The following ADARB2 variants were observed in gnomAD, a reference collection of about 807,000 sequenced individuals.
The protein encoded by ADARB2 is inactive double-stranded RNA-specific editase B2.
In ADARB2, 25 loss-of-function variants were observed where a neutral mutation model predicts 62.2. The ratio of observed to expected loss-of-function variants is 0.40; its 90% CI spans 0.29 to 0.56. The LOEUF (loss-of-function observed/expected upper bound fraction) is 0.56. Ranked by LOEUF, ADARB2 falls within the 20% of genes least tolerant of loss-of-function variation. ADARB2 has a pLI of 0.43. For missense variants in ADARB2, 1,071 were observed against 1,077.4 expected, an observed-to-expected ratio of 0.99 and a Z score of 0.08; for synonymous variants, 572 against 500.8, an observed-to-expected ratio of 1.14 and a Z score of -1.90.
At chr10:1,513,121 T>G (rs1272284929) in intron 1 of ADARB2, among the ~76,000 whole-genome samples, 1 of 152,220 alleles carries the variant, frequency 6.6e-6, no homozygotes, top group African/African-American at 2.4e-5. Flanking sequence ...GGCATGTTGA[T>G]TTGTTTGACT....
intron 1 of ADARB2, among the ~76,000 whole-genome samples, chr10:1,540,354 G>A (rs61831930): frequency 0.07 from 10,658 of 152,102 alleles, 475 homozygotes; most frequent in Non-Finnish European, 0.1. Context: ...AACAGCCCCC[G>A]CCCTCCTGGT....
intron 1 of ADARB2, among the ~76,000 whole-genome samples, chr10:1,415,670 A>G (rs1832795783): frequency 6.6e-6 from 1 of 152,270 alleles, no homozygotes; most frequent in South Asian, 2.1e-4. Flanking sequence ...GAAAACTGCC[A>G]TAATGAAGCA....
intron 1 of ADARB2, among the ~76,000 whole-genome samples, chr10:1,679,074 G>T (rs920412707): frequency 3.3e-5 from 5 of 152,196 alleles, no homozygotes; most frequent in African/African-American, 9.7e-5. Context: ...AGAAGTGCAG[G>T]CCCTGGGCCC....
intron 4 of ADARB2, among the ~76,000 whole-genome samples, chr10:1,264,132 G>A (rs188969804): frequency 1.3e-5 from 2 of 152,022 alleles, no homozygotes; most frequent in Admixed American, 1.3e-4. Context: ...ACATTTCTCG[G>A]TATCCACTTA....
chr10:1,695,724 G>A (rs1291754097), intron 1 of ADARB2, among the ~76,000 whole-genome samples: 2 of 152,182 alleles, frequency 1.3e-5, no homozygotes, highest in African/African-American at 4.8e-5. Context: ...ACATGTATGT[G>A]AGACCATGCA....
At chr10:1,377,163 G>GGT (rs1275020398) in intron 2 of ADARB2, among the ~76,000 whole-genome samples, 1 of 139,754 alleles carries the variant, frequency 7.2e-6, no homozygotes, top group East Asian at 2.2e-4. Context: ...GTGCTCCTGG[G>GGT]GTGTGTGTGT....
intron 1 of ADARB2, among the ~76,000 whole-genome samples, chr10:1,428,690 G>A (rs567761898): frequency 7.2e-5 from 11 of 151,896 alleles, no homozygotes; most frequent in African/African-American, 2.7e-4. Flanking sequence ...GGATGGGAGG[G>A]AGGGGGGTGT....
At chr10:1,254,909 C>T (rs554104852) in intron 4 of ADARB2, among the ~76,000 whole-genome samples, 1 of 152,220 alleles carries the variant, frequency 6.6e-6, no homozygotes, top group Admixed American at 6.5e-5. Flanking sequence ...GAATGGTGGG[C>T]AACTGATTAG....
At chr10:1,589,393 G>T (rs1833220082) in intron 1 of ADARB2, among the ~76,000 whole-genome samples, 1 of 151,850 alleles carries the variant, frequency 6.6e-6, no homozygotes, top group South Asian at 2.1e-4. Flanking sequence ...CATGGTCAAG[G>T]CATCCACGGA....
intron 1 of ADARB2, among the ~76,000 whole-genome samples, chr10:1,724,207 G>A (rs1835134792): frequency 6.6e-6 from 1 of 152,198 alleles, no homozygotes; most frequent in South Asian, 2.1e-4. Context: ...ATGTGCCTGT[G>A]TGTCCTCAGG....
chr10:1,421,440 A>G (rs1832852306), intron 1 of ADARB2, among the ~76,000 whole-genome samples: 4 of 152,046 alleles, frequency 2.6e-5, no homozygotes, highest in Admixed American at 2.0e-4. Context: ...TCCTAAAAGC[A>G]GTGGGAGGTT....
At chr10:1,525,884 T>C (rs973930538) in intron 1 of ADARB2, among the ~76,000 whole-genome samples, 2 of 152,176 alleles carry the variant, frequency 1.3e-5, no homozygotes. Context: ...TATGTGCGTG[T>C]ATGTGCATGT....
At chr10:1,427,646 C>A (rs893226095) in intron 1 of ADARB2, among the ~76,000 whole-genome samples, 2 of 152,170 alleles carry the variant, frequency 1.3e-5, no homozygotes, top group African/African-American at 4.8e-5. Context: ...ATGTTACAGC[C>A]ACTCTGGAAA....
chr10:1,367,885 T>C (rs531101401), intron 2 of ADARB2, among the ~76,000 whole-genome samples: 11 of 152,360 alleles, frequency 7.2e-5, no homozygotes, highest in African/African-American at 2.6e-4. Context: ...ACTCTCAGAA[T>C]TAAAGTTTTC....
At chr10:1,678,222 A>C (rs1834491351) in intron 1 of ADARB2, 1 of 983,714 alleles carries the variant, frequency 1.0e-6, no homozygotes, top group Non-Finnish European at 1.2e-6. Flanking sequence ...CCTCAGGGTG[A>C]GCGACCTCAG....
In ADARB2 at chr10:1,737,390, G is replaced by A. The variant is rs543037099; in HGVS notation, c.-240C>T. The A allele has an allele frequency of 3.0e-4, 151 of 499,270 alleles. 1 individual carries two copies. The highest frequency in any genetic ancestry group is 2.6e-3 in the African/African-American group (135 of 51,256). The allele number at this position is 499,270 out of a possible 1,614,324, so 30.9% of individuals were successfully genotyped here. On this transcript the variant is annotated 5_prime_UTR_variant, in exon 1 of 10. Coordinates refer to ENST00000381312, the MANE Select transcript of ADARB2 (RefSeq NM_018702.4). ...GGCGCCTGGAGCGAGCTGCTCCCTG[G>A]TCAGGGAGGGCGGGGAAGGGCGCGC... is the stretch of plus-strand genomic sequence containing the variant.
intron 4 of ADARB2, among the ~76,000 whole-genome samples, 189 bp downstream of exon 4, chr10:1,270,765 AC>A (rs1435525361): frequency 1.3e-5 from 2 of 152,166 alleles, no homozygotes; most frequent in Non-Finnish European, 2.9e-5. Context: ...TAATCACAGC[AC>A]CATGGTCAGG....
intron 1 of ADARB2, among the ~76,000 whole-genome samples, chr10:1,491,532 T>C (rs1246166812): frequency 6.6e-6 from 1 of 152,234 alleles, no homozygotes; most frequent in African/African-American, 2.4e-5. Flanking sequence ...AGAGTCATCC[T>C]GCCTGACAAT....
At chr10:1,595,915 C>T (rs1833327616) in intron 1 of ADARB2, among the ~76,000 whole-genome samples, 1 of 152,200 alleles carries the variant, frequency 6.6e-6, no homozygotes, top group African/African-American at 2.4e-5. Flanking sequence ...TGCTGTGTTC[C>T]ACAGCCCGCT....
Sources: allele counts gnomAD v4.1 joint callset (sites outside exome capture counted in the v4.1 genomes callset), GRCh38; gene constraint gnomAD v4.1.1; transcripts MANE v1.5; gene names NCBI Gene and HGNC (gene_info 2026-07-23, HGNC 2026-07-21).